MDGA2: variants seen among roughly 807,000 people sequenced by gnomAD.
MDGA2 encodes MAM domain containing glycosylphosphatidylinositol anchor 2.
MDGA2 carries 40 observed loss-of-function variants against 117.8 expected under a neutral mutation model. The observed-to-expected ratio is 0.34, with a 90% CI of 0.26 to 0.44. The LOEUF is 0.44. Ranked by LOEUF, MDGA2 falls within the 20% of genes least tolerant of loss-of-function variation. The pLI is 1.00. For synonymous variants in MDGA2, 452 were observed against 439.0 expected (o/e 1.03, Z -0.37); for missense variants, 1,123 against 1,250.6 (o/e 0.90, Z 1.54).
chr14:47,202,074 C>T (rs1885527381), intron 3 of MDGA2, among the ~76,000 whole-genome samples: 1 of 152,186 alleles, frequency 6.6e-6, no homozygotes, highest in Non-Finnish European at 1.5e-5. Flanking sequence ...ACTGCCTCTT[C>T]CTTTCACTCT....
chr14:47,609,464 T>TATATATATA (rs1385750946), intron 1 of MDGA2, among the ~76,000 whole-genome samples: 1 of 119,136 alleles, frequency 8.4e-6, no homozygotes, highest in Non-Finnish European at 1.8e-5. Flanking sequence ...TATATATATA[T>TATATATATA]AAGTTTCTTT....
intron 8 of MDGA2, among the ~76,000 whole-genome samples, chr14:46,969,199 G>T (rs552893921): frequency 1.3e-5 from 2 of 152,058 alleles, no homozygotes; most frequent in African/African-American, 4.8e-5. Context: ...GACTATTGCC[G>T]CAATAAACAT....
chr14:47,227,359 T>G (rs1371738918), intron 2 of MDGA2, among the ~76,000 whole-genome samples: 2 of 152,156 alleles, frequency 1.3e-5, no homozygotes, highest in African/African-American at 4.8e-5. Flanking sequence ...TTCTGCAGCA[T>G]AATTTACACC....
At chr14:47,307,667 G>A (rs28640066) in intron 1 of MDGA2, among the ~76,000 whole-genome samples, 22,205 of 151,272 alleles carry the variant, frequency 0.15, 1,941 homozygotes, top group South Asian at 0.26. Flanking sequence ...CAGCCTAGGT[G>A]ACAGAGAGAT....
At chr14:47,114,291 A>G (rs1193672234) in intron 5 of MDGA2, among the ~76,000 whole-genome samples, 1 of 152,252 alleles carries the variant, frequency 6.6e-6, no homozygotes, top group African/African-American at 2.4e-5. Flanking sequence ...AACAAATGGA[A>G]GAACATTCCA....
At chr14:47,131,246 T>C (rs1373349211) in intron 5 of MDGA2, among the ~76,000 whole-genome samples, 1 of 152,068 alleles carries the variant, frequency 6.6e-6, no homozygotes, top group Non-Finnish European at 1.5e-5. Context: ...ATCCTATTAA[T>C]GTTTTCACAT....
At chr14:47,668,090 A>G (rs1043956437) in intron 1 of MDGA2, among the ~76,000 whole-genome samples, 1 of 152,250 alleles carries the variant, frequency 6.6e-6, no homozygotes, top group African/African-American at 2.4e-5. Context: ...CCTAGGGAAT[A>G]TATCATTTGG....
At chr14:46,894,864 A>G (rs919477646) in intron 10 of MDGA2, among the ~76,000 whole-genome samples, 2 of 152,204 alleles carry the variant, frequency 1.3e-5, no homozygotes, top group African/African-American at 4.8e-5. Context: ...CTTGCTTCCT[A>G]TCAAGTTTGG....
At chr14:46,995,073 A>G (rs1426621076) in intron 8 of MDGA2, among the ~76,000 whole-genome samples, 1 of 152,188 alleles carries the variant, frequency 6.6e-6, no homozygotes, top group African/African-American at 2.4e-5. Context: ...CTAAAATTTA[A>G]TGAGTAAAAT....
At chr14:47,259,037 A>T (rs1279717537) in intron 2 of MDGA2, among the ~76,000 whole-genome samples, 1 of 152,120 alleles carries the variant, frequency 6.6e-6, no homozygotes, top group African/African-American at 2.4e-5. Flanking sequence ...TTTCAGAAGA[A>T]TCTGATACTC....
In MDGA2 at chr14:47,144,179, T is replaced by A. The variant is rs1178564515; in HGVS notation, c.691A>T (p.Asn231Tyr). The change falls in exon 4 of 17, where the codon AAT becomes TAT. Residue 231 changes from asparagine (N) to tyrosine (Y), a missense_variant. Transcript: ENST00000399232. ...CTATACCGAACAGGAGGATTGGAAT[T>A]GGCAACACACCGGAGGAACACTGTT... ...ERTVFLRCVA[N>Y]SNPPVRYSWR... 6.4e-7 allele frequency: 1 copy of A among 1,551,334 alleles called. No individual in the cohort carries two copies. Among genetic ancestry groups the A allele is most frequent in the African/African-American group, 1.4e-5 (1 of 73,006 alleles).
intron 3 of MDGA2, among the ~76,000 whole-genome samples, chr14:47,201,697 C>G (rs1352128149): frequency 6.6e-6 from 1 of 152,190 alleles, no homozygotes; most frequent in Non-Finnish European, 1.5e-5. Context: ...CCACTGCCAG[C>G]CTACTTTATC....
At chr14:47,235,954 G>A (rs1341207626) in intron 2 of MDGA2, among the ~76,000 whole-genome samples, 1 of 152,052 alleles carries the variant, frequency 6.6e-6, no homozygotes, top group Non-Finnish European at 1.5e-5. Context: ...ATGCCAATGC[G>A]TGGGTCCAAG....
intron 2 of MDGA2, among the ~76,000 whole-genome samples, chr14:47,285,695 A>G (rs1457294036): frequency 6.6e-6 from 1 of 152,112 alleles, no homozygotes; most frequent in Non-Finnish European, 1.5e-5. Context: ...CCATCAAGGG[A>G]GCATTTAATA....
At chr14:47,006,624 A>G (rs952661605) in intron 8 of MDGA2, among the ~76,000 whole-genome samples, 1 of 151,356 alleles carries the variant, frequency 6.6e-6, no homozygotes, top group Non-Finnish European at 1.5e-5. Flanking sequence ...AATCCTCCAT[A>G]TTAGGGAAGC....
intron 2 of MDGA2, among the ~76,000 whole-genome samples, chr14:47,294,407 T>A (rs1888993250): frequency 6.6e-6 from 1 of 152,094 alleles, no homozygotes; most frequent in Non-Finnish European, 1.5e-5. Flanking sequence ...TGATGTGGAA[T>A]TTTTTTAAAA....
At chr14:46,853,372 C>G (rs1431400662) in intron 15 of MDGA2, among the ~76,000 whole-genome samples, 1 of 151,694 alleles carries the variant, frequency 6.6e-6, no homozygotes, top group African/African-American at 2.4e-5. Context: ...AGAAAAACCT[C>G]AAATTTTATG....
chr14:47,485,695 T>C (rs1420916286), intron 1 of MDGA2, among the ~76,000 whole-genome samples: 1 of 152,116 alleles, frequency 6.6e-6, no homozygotes, highest in Non-Finnish European at 1.5e-5. Context: ...ACCTAGGGAC[T>C]TGGTGCCCTG....
intron 3 of MDGA2, among the ~76,000 whole-genome samples, chr14:47,199,500 T>C (rs1027388837): frequency 2.0e-5 from 3 of 152,264 alleles, no homozygotes; most frequent in Admixed American, 2.0e-4. Context: ...ATGAAGATTG[T>C]AGTAAAATGT....
Sources: allele counts gnomAD v4.1 joint callset (sites outside exome capture counted in the v4.1 genomes callset), GRCh38; gene constraint gnomAD v4.1.1; transcripts MANE v1.5; gene names NCBI Gene and HGNC (gene_info 2026-07-23, HGNC 2026-07-21).